PDE1A: variants seen among roughly 807,000 people sequenced by gnomAD.
The protein encoded by PDE1A is dual specificity calcium/calmodulin-dependent 3',5'-cyclic nucleotide phosphodiesterase 1A.
In PDE1A, 35 loss-of-function variants were observed where a neutral mutation model predicts 61.7. The observed-to-expected ratio is 0.57, with a 90% CI of 0.43 to 0.75. The LOEUF (loss-of-function observed/expected upper bound fraction) is 0.75. PDE1A is among the 30% of genes least tolerant of loss of function. The pLI is 0.00. For synonymous variants in PDE1A, 232 were observed against 213.2 expected (o/e 1.09, Z -0.77); for missense variants, 597 against 630.6 (o/e 0.95, Z 0.57).
the PDE1A span, among the ~76,000 whole-genome samples, chr2:182,573,012 T>C: frequency 1.3e-5 from 2 of 152,168 alleles, no homozygotes. Context: ...GGAATTCTAA[T>C]TCATCTCTGT....
the PDE1A span, among the ~76,000 whole-genome samples, chr2:182,539,685 T>C: frequency 2.0e-5 from 3 of 152,266 alleles, no homozygotes; most frequent in Non-Finnish European, 4.4e-5. Context: ...CTACTGTACA[T>C]GTTATAGATT....
At chr2:182,584,505 T>C in the PDE1A span, among the ~76,000 whole-genome samples, 1 of 152,176 alleles carries the variant, frequency 6.6e-6, no homozygotes, top group Admixed American at 6.6e-5. Flanking sequence ...AAGATAATAA[T>C]AATCACTTGG....
chr2:182,641,116 T>C, the PDE1A span, among the ~76,000 whole-genome samples: 1 of 150,020 alleles, frequency 6.7e-6, no homozygotes, highest in Non-Finnish European at 1.5e-5. Flanking sequence ...TGAAAGAACA[T>C]TAAGATTCTA....
At chr2:182,578,069 A>G in the PDE1A span, among the ~76,000 whole-genome samples, 1 of 152,180 alleles carries the variant, frequency 6.6e-6, no homozygotes, top group Non-Finnish European at 1.5e-5. Context: ...TTGCACAAGG[A>G]CCAGAAAGAA....
chr2:182,539,830 T>G, the PDE1A span, among the ~76,000 whole-genome samples: 1 of 152,228 alleles, frequency 6.6e-6, no homozygotes, highest in Non-Finnish European at 1.5e-5. Flanking sequence ...TTTGTTGACT[T>G]CATTGTCAGT....
intron 2 of PDE1A, among the ~76,000 whole-genome samples, chr2:182,446,642 C>T (rs940320037): frequency 2.6e-5 from 4 of 152,078 alleles, no homozygotes; most frequent in African/African-American, 9.7e-5. Context: ...AACAAACTTG[C>T]TAATATTGTC....
chr2:182,695,527 C>A, the PDE1A span, among the ~76,000 whole-genome samples: 2 of 151,686 alleles, frequency 1.3e-5, no homozygotes, highest in Admixed American at 6.6e-5. Context: ...ATTAGCTGGG[C>A]GCGGTGGCTG....
At chr2:182,231,035 C>T (rs775065809) in exon 5 of PDE1A, 2 of 1,581,714 alleles carry the variant, frequency 1.3e-6, no homozygotes, top group Non-Finnish European at 1.7e-6. Flanking sequence ...TTGATAAGAT[C>T]ATATCTGGTA....
chr2:182,565,125 C>T, the PDE1A span, among the ~76,000 whole-genome samples: 4 of 152,172 alleles, frequency 2.6e-5, no homozygotes, highest in East Asian at 1.9e-4. Flanking sequence ...GGAGGAGAGG[C>T]GCTCTGCTTT....
intron 1 of PDE1A, among the ~76,000 whole-genome samples, chr2:182,313,179 C>T (rs1182684354): frequency 5.9e-5 from 9 of 152,016 alleles, no homozygotes; most frequent in Non-Finnish European, 8.8e-5. Context: ...TTTGGGAGGC[C>T]GAGGCAGGCA....
Position 182,189,079 on chromosome 2 carries a change from A to G in PDE1A, c.1126-19T>C, listed in dbSNP as rs772015500. 4 of 1,560,438 alleles carry G rather than the reference A, an allele frequency of 2.6e-6. No homozygotes were observed. Among genetic ancestry groups the G allele is most frequent in the East Asian group, 4.5e-5 (2 of 44,326 alleles). ...TATCTCCCTGGAGAAAGAAAAGCAC[A>G]TTAATATAGACTTGGGTTGGAGAAG... On this transcript the variant is annotated intron_variant, in intron 10 of 13. Transcript: ENST00000351439.
At chr2:182,485,025 A>G (rs1456681242) in intron 2 of PDE1A, among the ~76,000 whole-genome samples, 5 of 152,262 alleles carry the variant, frequency 3.3e-5, no homozygotes. Flanking sequence ...GTATAAACCC[A>G]GAGGAATATA....
chr2:182,454,783 G>C (rs1357777468), intron 2 of PDE1A, among the ~76,000 whole-genome samples: 3 of 151,974 alleles, frequency 2.0e-5, no homozygotes, highest in Admixed American at 1.3e-4. Flanking sequence ...ATGGATGAAA[G>C]ACTTACATGT....
the PDE1A span, among the ~76,000 whole-genome samples, chr2:182,688,922 G>T: frequency 6.6e-6 from 1 of 151,938 alleles, no homozygotes; most frequent in African/African-American, 2.4e-5. Context: ...AAGATCAAAA[G>T]GACAAAGAAG....
chr2:182,399,746 T>C (rs941237763), intron 1 of PDE1A, among the ~76,000 whole-genome samples: 1 of 152,090 alleles, frequency 6.6e-6, no homozygotes, highest in Non-Finnish European at 1.5e-5. Flanking sequence ...CACATTAATG[T>C]AGAACTCTAT....
At chr2:182,388,758 G>A (rs1701260744) in intron 1 of PDE1A, among the ~76,000 whole-genome samples, 1 of 151,784 alleles carries the variant, frequency 6.6e-6, no homozygotes, top group South Asian at 2.1e-4. Flanking sequence ...AAGGAGGAAA[G>A]CAAGAACAAA....
chr2:182,567,945 A>C, the PDE1A span, among the ~76,000 whole-genome samples: 1 of 151,660 alleles, frequency 6.6e-6, no homozygotes, highest in African/African-American at 2.4e-5. Flanking sequence ...GGCGCCCGCC[A>C]CCACGCCCGG....
the PDE1A span, among the ~76,000 whole-genome samples, chr2:182,575,660 T>G: frequency 6.7e-6 from 1 of 149,866 alleles, no homozygotes; most frequent in African/African-American, 2.4e-5. Flanking sequence ...GAGGTCTTAG[T>G]TCCAGGGGAG....
At chr2:182,472,928 TA>T (rs1449000160) in intron 2 of PDE1A, among the ~76,000 whole-genome samples, 1 of 128,822 alleles carries the variant, frequency 7.8e-6, no homozygotes, top group Non-Finnish European at 1.6e-5. Context: ...ATAAGCTTTT[TA>T]AAAATTTTAT....
Sources: allele counts gnomAD v4.1 joint callset (sites outside exome capture counted in the v4.1 genomes callset), GRCh38; gene constraint gnomAD v4.1.1; transcripts MANE v1.5; gene names NCBI Gene and HGNC (gene_info 2026-07-23, HGNC 2026-07-21).